The following PTPRD variants were observed in gnomAD, a reference collection of about 807,000 sequenced individuals.
PTPRD encodes the protein receptor-type tyrosine-protein phosphatase delta.
A neutral mutation model predicts 214.5 loss-of-function variants in PTPRD; 34 were observed. The observed-to-expected ratio is 0.16, with a 90% CI of 0.12 to 0.21. The LOEUF (loss-of-function observed/expected upper bound fraction) is 0.21, where lower values mean the gene tolerates loss of function less well. PTPRD is among the 10% of genes least tolerant of loss of function. The probability of loss-of-function intolerance (pLI) is 1.00; values close to 1 mark genes in which losing one functional copy is unlikely to be tolerated. For synonymous variants in PTPRD, 1,128 were observed against 845.7 expected (o/e 1.33, Z -5.79); for missense variants, 2,545 against 2,398.7 (o/e 1.06, Z -1.27).
chr9:9,693,829 C>T (rs559274537), intron 7 of PTPRD, among the ~76,000 whole-genome samples: 1 of 152,262 alleles, frequency 6.6e-6, no homozygotes, highest in Non-Finnish European at 1.5e-5. Context: ...AAATAAACTG[C>T]CTTCAGGCTC....
At chr9:10,578,404 C>T (rs2070351058) in intron 2 of PTPRD, among the ~76,000 whole-genome samples, 1 of 151,954 alleles carries the variant, frequency 6.6e-6, no homozygotes, top group Admixed American at 6.6e-5. Flanking sequence ...GTTTTAAATA[C>T]CTTTATTTTA....
At chr9:9,666,596 C>A (rs1032357342) in intron 7 of PTPRD, among the ~76,000 whole-genome samples, 1 of 151,816 alleles carries the variant, frequency 6.6e-6, no homozygotes, top group African/African-American at 2.4e-5. Flanking sequence ...AAGTCATTGA[C>A]CTCATATTTA....
At chr9:9,001,934 G>C (rs1274496799) in intron 11 of PTPRD, among the ~76,000 whole-genome samples, 1 of 139,672 alleles carries the variant, frequency 7.2e-6, no homozygotes, top group Non-Finnish European at 1.5e-5. Flanking sequence ...TGCCCACCTG[G>C]CTTCCAATAT....
chr9:9,293,625 T>C (rs10816086), intron 9 of PTPRD, among the ~76,000 whole-genome samples: 4,347 of 151,584 alleles, frequency 0.029, 89 homozygotes, highest in East Asian at 0.075. Context: ...GAAATATACG[T>C]ATATACCGTA....
Position 10,109,741 on chromosome 9 carries a change from G to C in PTPRD, c.-544-75951C>G, listed in dbSNP as rs191686726. ...TATTTCCATGGCAGTATTACTAGTGGTTGATAAAGCCAGACCTCTAGGGTC... is the reference window on the plus strand; with the variant it reads ...TATTTCCATGGCAGTATTACTAGTGCTTGATAAAGCCAGACCTCTAGGGTC... On this transcript the variant is annotated intron_variant, in intron 3 of 45. Coordinates refer to ENST00000381196, the MANE Select transcript of PTPRD (RefSeq NM_002839.4). Among the ~76,000 whole-genome samples the C allele has an allele frequency of 6.6e-5, 10 of 152,242 alleles. No individual in the cohort carries two copies. In the East Asian group the frequency reaches 1.7e-3, roughly 26 times the overall value.
chr9:10,158,330 G>C (rs1478768540), intron 3 of PTPRD, among the ~76,000 whole-genome samples: 3 of 151,892 alleles, frequency 2.0e-5, no homozygotes, highest in Non-Finnish European at 4.4e-5. Flanking sequence ...TTCTATACTG[G>C]GTATTTTATC....
intron 3 of PTPRD, among the ~76,000 whole-genome samples, chr9:10,108,371 T>C (rs1288656965): frequency 6.6e-6 from 1 of 152,060 alleles, no homozygotes; most frequent in Non-Finnish European, 1.5e-5. Context: ...CAGTATATTG[T>C]TATTAACTAT....
chr9:10,368,508 G>A (rs943151008), intron 2 of PTPRD, among the ~76,000 whole-genome samples: 1 of 151,974 alleles, frequency 6.6e-6, no homozygotes, highest in Non-Finnish European at 1.5e-5. Flanking sequence ...TGTTTAAATC[G>A]ATAAATTAGA....
chr9:9,275,829 G>GTATA (rs1945400197), intron 9 of PTPRD, among the ~76,000 whole-genome samples: 1 of 143,932 alleles, frequency 6.9e-6, no homozygotes, highest in Non-Finnish European at 1.5e-5. Context: ...CTGTGTGTGT[G>GTATA]TGTATGTGTG....
intron 3 of PTPRD, among the ~76,000 whole-genome samples, chr9:10,050,087 A>G (rs1484731229): frequency 6.6e-6 from 1 of 152,178 alleles, no homozygotes; most frequent in Non-Finnish European, 1.5e-5. Flanking sequence ...TAGGTTCAAA[A>G]TAAATATCTG....
At chr9:8,502,942 A>T (rs577765886) in intron 23 of PTPRD, among the ~76,000 whole-genome samples, 3 of 151,760 alleles carry the variant, frequency 2.0e-5, no homozygotes, top group Non-Finnish European at 4.4e-5. Flanking sequence ...CATTTCTCTT[A>T]ATTAAAGGCT....
intron 11 of PTPRD, among the ~76,000 whole-genome samples, chr9:8,856,398 A>G (rs2097916339): frequency 6.6e-6 from 1 of 152,218 alleles, no homozygotes; most frequent in Middle Eastern, 3.2e-3. Flanking sequence ...AGAATACACC[A>G]AAGGATAAAG....
At chr9:9,422,347 C>G (rs2079124368) in intron 8 of PTPRD, among the ~76,000 whole-genome samples, 1 of 152,012 alleles carries the variant, frequency 6.6e-6, no homozygotes, top group Non-Finnish European at 1.5e-5. Flanking sequence ...AAGTGAAAAT[C>G]AAAATATGAG....
At chr9:8,415,768 T>C (rs1220969118) in intron 35 of PTPRD, among the ~76,000 whole-genome samples, 2 of 151,974 alleles carry the variant, frequency 1.3e-5, no homozygotes, top group South Asian at 2.1e-4. Context: ...ACGATGACCA[T>C]GAAAATCTGG....
At chr9:10,536,902 C>T (rs1228729505) in intron 2 of PTPRD, among the ~76,000 whole-genome samples, 2 of 152,044 alleles carry the variant, frequency 1.3e-5, no homozygotes, top group Non-Finnish European at 2.9e-5. Context: ...TTATTTCCAG[C>T]TATTAGAGTT....
At chr9:8,927,517 G>A (rs1342461471) in intron 11 of PTPRD, among the ~76,000 whole-genome samples, 1 of 152,120 alleles carries the variant, frequency 6.6e-6, no homozygotes, top group Non-Finnish European at 1.5e-5. Context: ...CTTCATCCAT[G>A]TTCCTGCAAA....
intron 11 of PTPRD, among the ~76,000 whole-genome samples, chr9:8,931,771 T>G (rs1314858985): frequency 6.6e-6 from 1 of 152,170 alleles, no homozygotes; most frequent in East Asian, 1.9e-4. Flanking sequence ...CTGGTAAAAT[T>G]CGGCTATGAA....
intron 11 of PTPRD, among the ~76,000 whole-genome samples, chr9:8,944,601 A>G (rs2099052691): frequency 6.6e-6 from 1 of 152,136 alleles, no homozygotes; most frequent in Admixed American, 6.6e-5. Context: ...GTCATTTGCA[A>G]CAAGGATGGA....
At chr9:9,467,863 CTATT>C (rs1182393942) in intron 8 of PTPRD, among the ~76,000 whole-genome samples, 14 of 152,148 alleles carry the variant, frequency 9.2e-5, no homozygotes, top group African/African-American at 3.1e-4. Context: ...TAATTGGTAA[CTATT>C]CATTTTAAAA....
Sources: allele counts gnomAD v4.1 joint callset (sites outside exome capture counted in the v4.1 genomes callset), GRCh38; gene constraint gnomAD v4.1.1; transcripts MANE v1.5; gene names NCBI Gene and HGNC (gene_info 2026-07-23, HGNC 2026-07-21).